UBE2D4: variants seen among roughly 807,000 people sequenced by gnomAD.
UBE2D4 encodes the protein ubiquitin-conjugating enzyme E2 D4.
A neutral mutation model predicts 23.0 loss-of-function variants in UBE2D4; 17 were observed. The ratio of observed to expected loss-of-function variants is 0.74; its 90% CI spans 0.51 to 1.11. The LOEUF is 1.11. Ranked by LOEUF, UBE2D4 falls within the 50% of genes least tolerant of loss-of-function variation. The probability of loss-of-function intolerance (pLI) is 0.00; values close to 1 mark genes in which losing one functional copy is unlikely to be tolerated. For synonymous variants in UBE2D4, 61 were observed against 69.4 expected (o/e 0.88, Z 0.60); for missense variants, 139 against 181.8 (o/e 0.76, Z 1.35).
intron 1 of UBE2D4, among the ~76,000 whole-genome samples, chr7:43,933,403 A>G (rs1663895583): frequency 6.6e-6 from 1 of 152,166 alleles, no homozygotes; most frequent in African/African-American, 2.4e-5. Context: ...TTCTCAAAAA[A>G]AAGTTTAGTT....
At chr7:43,941,045 C>A (rs2095970956) in intron 2 of UBE2D4, 1 of 152,140 alleles carries the variant, frequency 6.6e-6, no homozygotes, top group Non-Finnish European at 1.5e-5. Context: ...TGCTTTAGTC[C>A]CTGCACTTGT....
At chr7:43,931,462 CA>C (rs541678116) in intron 1 of UBE2D4, among the ~76,000 whole-genome samples, 112 of 152,120 alleles carry the variant, frequency 7.4e-4, no homozygotes, top group Non-Finnish European at 1.2e-3. Flanking sequence ...AACAAACAAA[CA>C]AAACAGAAAA....
At chr7:43,948,953 T>C in intron 5 of UBE2D4, 2 of 551,422 alleles carry the variant, frequency 3.6e-6, no homozygotes, top group African/African-American at 1.9e-5. Flanking sequence ...CAGCAGTCAA[T>C]TGCCCTGGTG....
At chr7:43,928,279 C>T (rs527875762) in intron 1 of UBE2D4, among the ~76,000 whole-genome samples, 12 of 152,204 alleles carry the variant, frequency 7.9e-5, no homozygotes, top group South Asian at 2.1e-4. Flanking sequence ...CCAACACTGG[C>T]GATCACATTT....
At position 43,952,921 on chromosome 7, in the gene UBE2D4, T is replaced by C; in HGVS notation, c.*226T>C. 1 of 489,790 alleles carries C rather than the reference T, an allele frequency of 2.0e-6. No homozygotes were observed. The highest frequency in any genetic ancestry group is 3.8e-6 in the Non-Finnish European group (1 of 264,282). The allele number at this position is 489,790 out of a possible 1,614,324, so 30.3% of individuals were successfully genotyped here. A position where few individuals can be genotyped will look rare whatever the true frequency, so the allele number is the denominator to read the frequency against. On this transcript the variant is annotated 3_prime_UTR_variant, in exon 7 of 7. Transcript: ENST00000222402. ...GCCAAATCAGCAACCATTGTTGTTA[T>C]GATCTGCAGTCTTCCTGGTGACACT...
chr7:43,935,693 G>A (rs76318800), intron 1 of UBE2D4, among the ~76,000 whole-genome samples: 87 of 152,320 alleles, frequency 5.7e-4, no homozygotes, highest in African/African-American at 2.0e-3. Flanking sequence ...TTTTGAAGAA[G>A]ATCTAAGTCT....
chr7:43,947,567 T>C (rs1409261310), intron 4 of UBE2D4, among the ~76,000 whole-genome samples: 1 of 152,278 alleles, frequency 6.6e-6, no homozygotes, highest in Non-Finnish European at 1.5e-5. Context: ...TGCCACATTT[T>C]CTTAATCCAA....
intron 1 of UBE2D4, among the ~76,000 whole-genome samples, chr7:43,930,855 G>A (rs2095943682): frequency 6.6e-6 from 1 of 152,062 alleles, no homozygotes; most frequent in African/African-American, 2.4e-5. Flanking sequence ...GAAATACCTG[G>A]CCAGGCACAG....
intron 1 of UBE2D4, among the ~76,000 whole-genome samples, chr7:43,936,569 A>G (rs1304998005): frequency 6.6e-6 from 1 of 152,180 alleles, no homozygotes; most frequent in African/African-American, 2.4e-5. Flanking sequence ...AAAGTCTCCC[A>G]CCCAAGACTG....
chr7:43,953,813 G>A lies in UBE2D4; in HGVS notation c.*1118G>A, dbSNP rs1035128425. 5 of 152,570 alleles carry A rather than the reference G, an allele frequency of 3.3e-5. No homozygotes were observed. Among genetic ancestry groups the A allele is most frequent in the African/African-American group, 7.2e-5 (3 of 41,450 alleles). The allele number at this position is 152,570 out of a possible 1,614,324, so 9.5% of individuals were successfully genotyped here. ...CTTCCACAGAGGGAAGAAAATTGAG[G>A]AGCTTCAGATCTCTAAAGCCAAATT... On this transcript the variant is annotated 3_prime_UTR_variant, in exon 7 of 7. Coordinates refer to ENST00000222402, the MANE Select transcript of UBE2D4 (RefSeq NM_015983.4).
At chr7:43,951,195 C>T (rs1011278789) in intron 6 of UBE2D4, among the ~76,000 whole-genome samples, 2 of 152,204 alleles carry the variant, frequency 1.3e-5, no homozygotes, top group Admixed American at 6.5e-5. Context: ...CCTTCATTGC[C>T]AGCTCTCTGT....
chr7:43,942,565 C>T (rs774230772), intron 2 of UBE2D4: 8 of 594,492 alleles, frequency 1.3e-5, no homozygotes, highest in East Asian at 5.6e-5. Flanking sequence ...AGAAACTCTG[C>T]GTTTGGACCC....
At chr7:43,948,609 T>C (rs201882920) in intron 4 of UBE2D4, 23 bp from the exon 5 acceptor site, 451 of 1,505,846 alleles carry the variant, frequency 3.0e-4, no homozygotes, top group Non-Finnish European at 1.6e-4. Flanking sequence ...GTTTGTCTGA[T>C]TGGGGATCTC....
intron 4 of UBE2D4, chr7:43,947,275 C>T (rs1409150203): frequency 1.3e-5 from 2 of 152,138 alleles, no homozygotes; most frequent in African/African-American, 4.8e-5. Context: ...GCTGGGATTA[C>T]AGGCCTGCAC....
chr7:43,932,917 TG>T (rs11288158), intron 1 of UBE2D4, among the ~76,000 whole-genome samples: 145,661 of 145,984 alleles, frequency 1, 72,669 homozygotes, highest in Middle Eastern at 1. Flanking sequence ...TCATCTAAAG[TG>T]GGGTCACTTT....
chr7:43,934,906 A>G (rs1445124151), intron 1 of UBE2D4, among the ~76,000 whole-genome samples: 4 of 152,164 alleles, frequency 2.6e-5, no homozygotes, highest in Non-Finnish European at 5.9e-5. Context: ...TTAGGGAAAT[A>G]TATAGTGGTG....
At chr7:43,934,789 C>G (rs946450663) in intron 1 of UBE2D4, among the ~76,000 whole-genome samples, 3 of 152,074 alleles carry the variant, frequency 2.0e-5, no homozygotes, top group African/African-American at 7.2e-5. Flanking sequence ...TACATTCTTT[C>G]ATTTAAAGAA....
At chr7:43,951,073 A>G (rs1335705795) in intron 6 of UBE2D4, among the ~76,000 whole-genome samples, 1 of 152,250 alleles carries the variant, frequency 6.6e-6, no homozygotes, top group Admixed American at 6.5e-5. Context: ...ATAGCCTAAG[A>G]CAAGGGGATG....
rs189274840 is a variant in UBE2D4, at chr7:43,942,741, C to T, written c.89-85C>T. ...GTGAGTGCATCTTGTGTAGACAGTGCGCTGTAATTTAGCAGTGCGTTTTCA... is the reference window on the plus strand; with the variant it reads ...GTGAGTGCATCTTGTGTAGACAGTGTGCTGTAATTTAGCAGTGCGTTTTCA... On this transcript the variant is annotated intron_variant, in intron 2 of 6. Transcript: ENST00000222402. The T allele has an allele frequency of 6.3e-5, 99 of 1,577,656 alleles. 2 individuals carry two copies. The highest frequency in any genetic ancestry group is 6.5e-5 in the Non-Finnish European group (75 of 1,147,570).
Sources: gnomAD v4.1 joint callset for allele counts (sites outside exome capture counted in the v4.1 genomes callset) on GRCh38, gnomAD v4.1.1 for gene constraint, MANE v1.5 for transcripts, NCBI Gene and HGNC (gene_info 2026-07-23, HGNC 2026-07-21) for gene names.